Variants in LOC128125817 observed in about 807,000 individuals in gnomAD.
At chr1:41,611,500 A>G in the LOC128125817 span, among the ~76,000 whole-genome samples, 4 of 152,222 alleles carry the variant, frequency 2.6e-5, no homozygotes, top group Non-Finnish European at 5.9e-5. Context: ...TTTTACATCC[A>G]TCTCACAGAT....
the LOC128125817 span, among the ~76,000 whole-genome samples, chr1:41,596,386 T>G: frequency 2.1e-3 from 325 of 152,142 alleles, 1 homozygote; most frequent in South Asian, 4.8e-3. Context: ...AGTCCATAGA[T>G]AGCCTGTGTT....
the LOC128125817 span, among the ~76,000 whole-genome samples, chr1:41,605,461 G>A: frequency 0.028 from 4,209 of 151,948 alleles, 74 homozygotes; most frequent in Middle Eastern, 0.054. Flanking sequence ...TCTGGTTTGT[G>A]TACATAACTG....
chr1:41,617,802 A>C, the LOC128125817 span, among the ~76,000 whole-genome samples: 10 of 152,220 alleles, frequency 6.6e-5, no homozygotes, highest in Non-Finnish European at 1.5e-5. Flanking sequence ...TTCTACTCCC[A>C]CATCATAAGA....
At chr1:41,620,189 T>C in the LOC128125817 span, among the ~76,000 whole-genome samples, 1 of 152,178 alleles carries the variant, frequency 6.6e-6, no homozygotes. Flanking sequence ...GCAGGGCTTG[T>C]CCTGACAGGT....
At chr1:41,591,254 A>G in the LOC128125817 span, among the ~76,000 whole-genome samples, 1 of 152,098 alleles carries the variant, frequency 6.6e-6, no homozygotes, top group Non-Finnish European at 1.5e-5. Context: ...TCAAGAAATG[A>G]GAACCAAGGT....
the LOC128125817 span, among the ~76,000 whole-genome samples, chr1:41,589,976 A>C: frequency 6.6e-6 from 1 of 152,270 alleles, no homozygotes; most frequent in East Asian, 1.9e-4. Context: ...GGAGGCACTC[A>C]GTAAATATTC....
the LOC128125817 span, among the ~76,000 whole-genome samples, chr1:41,604,786 C>T: frequency 1.3e-5 from 2 of 152,002 alleles, no homozygotes; most frequent in Non-Finnish European, 2.9e-5. Flanking sequence ...AAAGGATAGG[C>T]GAAAAACCAA....
chr1:41,624,083 C>T, the LOC128125817 span, among the ~76,000 whole-genome samples: 1 of 152,204 alleles, frequency 6.6e-6, no homozygotes, highest in African/African-American at 2.4e-5. Flanking sequence ...GCTCACATGG[C>T]CTCCCTGGGT....
the LOC128125817 span, chr1:41,585,451 A>G: frequency 7.5e-6 from 3 of 397,426 alleles, no homozygotes; most frequent in South Asian, 2.7e-4. Context: ...AAAGTTAACC[A>G]GGGAAACTCA....
chr1:41,597,754 A>G, the LOC128125817 span, among the ~76,000 whole-genome samples: 1 of 152,170 alleles, frequency 6.6e-6, no homozygotes. Context: ...CCTTTCCTTC[A>G]TAAGGGCTAA....
chr1:41,596,382 T>C, the LOC128125817 span, among the ~76,000 whole-genome samples: 1 of 152,072 alleles, frequency 6.6e-6, no homozygotes, highest in African/African-American at 2.4e-5. Flanking sequence ...CTAGAGTCCA[T>C]AGATAGCCTG....
chr1:41,625,694 C>T, the LOC128125817 span, among the ~76,000 whole-genome samples: 1 of 152,036 alleles, frequency 6.6e-6, no homozygotes, highest in Admixed American at 6.6e-5. Context: ...ATGATCACAC[C>T]ACTATACTCT....
At chr1:41,625,021 G>T in the LOC128125817 span, among the ~76,000 whole-genome samples, 1 of 152,030 alleles carries the variant, frequency 6.6e-6, no homozygotes, top group Non-Finnish European at 1.5e-5. Flanking sequence ...AAAATTAGCT[G>T]GTGTGGTGGC....
the LOC128125817 span, among the ~76,000 whole-genome samples, chr1:41,627,510 G>T: frequency 7.2e-5 from 11 of 152,244 alleles, no homozygotes; most frequent in South Asian, 2.3e-3. Context: ...CCTGGTCTAG[G>T]CCTAGGGCTG....
At chr1:41,628,480 T>C in the LOC128125817 span, among the ~76,000 whole-genome samples, 1 of 152,014 alleles carries the variant, frequency 6.6e-6, no homozygotes, top group Non-Finnish European at 1.5e-5. Flanking sequence ...CAGGACAGAA[T>C]GGAAACTGAG....
the LOC128125817 span, among the ~76,000 whole-genome samples, chr1:41,622,631 T>G: frequency 6.6e-6 from 1 of 152,352 alleles, no homozygotes; most frequent in Non-Finnish European, 1.5e-5. Flanking sequence ...AAATACTATC[T>G]GGCCATTCAG....
the LOC128125817 span, among the ~76,000 whole-genome samples, chr1:41,601,114 T>G: frequency 6.6e-6 from 1 of 152,210 alleles, no homozygotes; most frequent in Non-Finnish European, 1.5e-5. Flanking sequence ...TTGGTCTACA[T>G]GTCTGTCTTT....
the LOC128125817 span, among the ~76,000 whole-genome samples, chr1:41,587,655 G>C: frequency 1.3e-5 from 2 of 152,180 alleles, no homozygotes; most frequent in African/African-American, 4.8e-5. Context: ...GTGATCTTCT[G>C]ATAGATTCTT....
the LOC128125817 span, among the ~76,000 whole-genome samples, chr1:41,591,687 T>C: frequency 6.6e-6 from 1 of 151,794 alleles, no homozygotes; most frequent in South Asian, 2.1e-4. Context: ...GTCACTGGAT[T>C]TTCATGAGAT....
Sources: allele counts gnomAD v4.1 joint callset (sites outside exome capture counted in the v4.1 genomes callset), GRCh38; gene constraint gnomAD v4.1.1; transcripts MANE v1.5.